The following CFAP299 variants were observed in gnomAD, a reference collection of about 807,000 sequenced individuals.
CFAP299 encodes the protein cilia and flagella associated protein 299.
In CFAP299, 21 loss-of-function variants were observed where a neutral mutation model predicts 27.0. The ratio of observed to expected loss-of-function variants is 0.78; its 90% CI spans 0.55 to 1.12. The LOEUF is 1.12. Ranked by LOEUF, CFAP299 falls within the 50% of genes most tolerant of loss-of-function variation. The pLI, the probability that CFAP299 is intolerant of heterozygous loss-of-function variation, is 0.00. For missense variants in CFAP299, 310 were observed against 276.6 expected (o/e 1.12, Z -0.86); for synonymous variants, 104 against 98.1 (o/e 1.06, Z -0.36).
At chr4:80,672,092 GGGAATGCT>G (rs1236789021) in intron 3 of CFAP299, among the ~76,000 whole-genome samples, 1 of 152,188 alleles carries the variant, frequency 6.6e-6, no homozygotes, top group Non-Finnish European at 1.5e-5. Flanking sequence ...AGTTTTCAAA[GGGAATGCT>G]TCCAGTTTTT....
intron 4 of CFAP299, among the ~76,000 whole-genome samples, chr4:80,896,396 T>G (rs952418086): frequency 6.6e-6 from 1 of 152,138 alleles, no homozygotes; most frequent in African/African-American, 2.4e-5. Context: ...TTGTAATGTT[T>G]TATAGGCAGG....
At chr4:80,750,794 G>C (rs943634592) in intron 3 of CFAP299, among the ~76,000 whole-genome samples, 2 of 152,172 alleles carry the variant, frequency 1.3e-5, no homozygotes, top group African/African-American at 4.8e-5. Context: ...CATAAAGCAT[G>C]TTGCAAGTTA....
intron 3 of CFAP299, among the ~76,000 whole-genome samples, chr4:80,762,055 T>A (rs1247237103): frequency 6.6e-6 from 1 of 151,956 alleles, no homozygotes; most frequent in Non-Finnish European, 1.5e-5. Flanking sequence ...AGCATAACTT[T>A]AAATCAACAG....
intron 2 of CFAP299, among the ~76,000 whole-genome samples, chr4:80,520,373 A>G (rs1007146830): frequency 6.6e-6 from 1 of 152,190 alleles, no homozygotes; most frequent in Non-Finnish European, 1.5e-5. Context: ...CTCTATCAGC[A>G]TGCTTTCTGT....
chr4:80,606,538 A>T (rs193238503), intron 3 of CFAP299, among the ~76,000 whole-genome samples: 206 of 152,112 alleles, frequency 1.4e-3, no homozygotes, highest in African/African-American at 3.0e-3. Context: ...CTGTTTTTTT[A>T]AAAAAAAGAT....
At chr4:80,692,373 C>T (rs571724268) in intron 3 of CFAP299, among the ~76,000 whole-genome samples, 105 of 152,140 alleles carry the variant, frequency 6.9e-4, no homozygotes, top group African/African-American at 2.5e-3. Context: ...CAGAACAGAG[C>T]CCTCAGAAAT....
chr4:80,580,370 A>T (rs939482686), intron 2 of CFAP299, among the ~76,000 whole-genome samples: 1 of 151,996 alleles, frequency 6.6e-6, no homozygotes, highest in Admixed American at 6.6e-5. Flanking sequence ...CCCAAGTGAA[A>T]GTTAGGGTTG....
chr4:80,548,780 T>C (rs1179688526), intron 2 of CFAP299, among the ~76,000 whole-genome samples: 1 of 152,142 alleles, frequency 6.6e-6, no homozygotes, highest in Non-Finnish European at 1.5e-5. Flanking sequence ...TAAAATTTAG[T>C]TTTTATATGC....
chr4:80,327,833 C>CCAGGATTAA, the CFAP299 span, among the ~76,000 whole-genome samples: 1 of 135,838 alleles, frequency 7.4e-6, no homozygotes, highest in African/African-American at 2.7e-5. Context: ...AGGTGTGGGC[C>CCAGGATTAA]CAGGATTAAG....
At chr4:80,621,693 A>C (rs1434586092) in intron 3 of CFAP299, among the ~76,000 whole-genome samples, 1 of 152,146 alleles carries the variant, frequency 6.6e-6, no homozygotes, top group African/African-American at 2.4e-5. Flanking sequence ...ATTTGTTTAT[A>C]AAAATAATTA....
intron 3 of CFAP299, among the ~76,000 whole-genome samples, chr4:80,771,882 C>T (rs182502502): frequency 3.3e-5 from 5 of 152,270 alleles, no homozygotes; most frequent in African/African-American, 1.2e-4. Flanking sequence ...AATGTCTATT[C>T]CTAGCTGCAA....
At chr4:80,778,725 A>C (rs1354265974) in intron 3 of CFAP299, among the ~76,000 whole-genome samples, 2 of 152,112 alleles carry the variant, frequency 1.3e-5, no homozygotes, top group Non-Finnish European at 2.9e-5. Context: ...TCTTTTAAAA[A>C]CTAAACTTTT....
intron 3 of CFAP299, among the ~76,000 whole-genome samples, chr4:80,707,815 AAC>A (rs1164576910): frequency 3.3e-5 from 5 of 152,100 alleles, no homozygotes; most frequent in African/African-American, 1.2e-4. Context: ...CTGTGTAGCA[AAC>A]ACAAAATTGG....
chr4:80,772,242 G>A (rs572773261), intron 3 of CFAP299, among the ~76,000 whole-genome samples: 1 of 152,110 alleles, frequency 6.6e-6, no homozygotes, highest in Non-Finnish European at 1.5e-5. Flanking sequence ...TTTACAAAAC[G>A]TGATAAACCT....
At chr4:80,702,035 T>G (rs977260744) in intron 3 of CFAP299, among the ~76,000 whole-genome samples, 2 of 151,898 alleles carry the variant, frequency 1.3e-5, no homozygotes, top group Non-Finnish European at 2.9e-5. Flanking sequence ...TCATAGACAC[T>G]CTGCCAGAAC....
At chr4:80,652,867 C>A (rs556705868) in intron 3 of CFAP299, among the ~76,000 whole-genome samples, 2 of 152,124 alleles carry the variant, frequency 1.3e-5, no homozygotes, top group Non-Finnish European at 2.9e-5. Context: ...AAATCCGACT[C>A]GCCTCCAATG....
At chr4:80,615,021 A>G (rs1314760548) in intron 3 of CFAP299, among the ~76,000 whole-genome samples, 2 of 152,206 alleles carry the variant, frequency 1.3e-5, no homozygotes, top group African/African-American at 2.4e-5. Flanking sequence ...ATGTGATATT[A>G]TGGATTTCCT....
the CFAP299 span, among the ~76,000 whole-genome samples, chr4:80,324,644 A>C: frequency 6.6e-6 from 1 of 152,220 alleles, no homozygotes; most frequent in Non-Finnish European, 1.5e-5. Flanking sequence ...TCTGTCATGG[A>C]AATCAGGGAT....
At chr4:80,473,230 A>G (rs1349481058) in intron 2 of CFAP299, among the ~76,000 whole-genome samples, 1 of 152,224 alleles carries the variant, frequency 6.6e-6, no homozygotes, top group East Asian at 1.9e-4. Flanking sequence ...CCAAGCTGAG[A>G]CCTTACAGAT....
Sources: gnomAD v4.1 joint callset for allele counts (sites outside exome capture counted in the v4.1 genomes callset) on GRCh38, gnomAD v4.1.1 for gene constraint, MANE v1.5 for transcripts, NCBI Gene and HGNC (gene_info 2026-07-23, HGNC 2026-07-21) for gene names.